Variants in PCDHGA8 observed in about 807,000 individuals in gnomAD.
PCDHGA8 encodes the protein protocadherin gamma-A8.
Under a neutral mutation model 59.2 loss-of-function variants are expected in PCDHGA8, and 45 were observed. The observed-to-expected ratio is 0.76, with a 90% CI of 0.60 to 0.98. The LOEUF (loss-of-function observed/expected upper bound fraction) is 0.98. Ranked by LOEUF, PCDHGA8 falls within the 50% of genes least tolerant of loss-of-function variation. PCDHGA8 has a pLI of 0.00. For missense variants in PCDHGA8, 1,257 were observed against 1,196.2 expected (o/e 1.05, Z -0.75); for synonymous variants, 531 against 519.0 (o/e 1.02, Z -0.32).
In PCDHGA8 at chr5:141,423,390, T is replaced by C. The variant is rs751337994; in HGVS notation, c.2424+28153T>C. ...TGGCACTCAGGCTGTGGCGCTGGCATAAGTCACGCCTGCTGCAGGCTTCTG... is the reference window on the plus strand; with the variant it reads ...TGGCACTCAGGCTGTGGCGCTGGCACAAGTCACGCCTGCTGCAGGCTTCTG... On this transcript the variant is annotated intron_variant, in intron 1 of 3. Coordinates refer to ENST00000398604, the MANE Select transcript of PCDHGA8 (RefSeq NM_032088.2). 2.5e-6 allele frequency: 4 copies of C among 1,614,144 alleles called. No homozygotes were observed. In the South Asian group the frequency reaches 3.3e-5, roughly 13 times the overall value.
intron 1 of PCDHGA8, chr5:141,418,947 G>T (rs534744990): frequency 6.2e-7 from 1 of 1,614,022 alleles, no homozygotes; most frequent in African/African-American, 1.3e-5. Context: ...TCCCCTCCAG[G>T]AGTGGTTGTT....
rs2099415271 is a variant in PCDHGA8, at chr5:141,477,659, G to A, written c.2425-17148G>A. 6.2e-7 allele frequency: 1 copy of A among 1,614,194 alleles called. No individual in the cohort carries two copies. The highest frequency in any genetic ancestry group is 1.3e-5 in the African/African-American group (1 of 75,046). ...GGGTCGCTATTTCACAATAAATCGT[G>A]ACAATGGCATAGTGTCATCCTTAGT... On this transcript the variant is annotated intron_variant, in intron 1 of 3. Transcript: ENST00000398604. The surrounding 1 kb of genome is among the most constrained non-coding windows in gnomAD (Gnocchi z 4.9).
At chr5:141,409,069 A>G (rs886525915) in intron 1 of PCDHGA8, 5 of 1,614,008 alleles carry the variant, frequency 3.1e-6, no homozygotes, top group Non-Finnish European at 4.2e-6. Context: ...AGAGCACAAA[A>G]CATATGTTCT....
chr5:141,404,085 A>G, intron 1 of PCDHGA8: 1 of 1,613,618 alleles, frequency 6.2e-7, no homozygotes, highest in South Asian at 1.1e-5. Context: ...GACTCCGGGA[A>G]GAATGGTCAA....
In PCDHGA8 at chr5:141,432,021, C is replaced by G. The variant is rs746940912; in HGVS notation, c.2424+36784C>G. 1.9e-5 allele frequency: 30 copies of G among 1,614,076 alleles called. No individual in the cohort carries two copies. The highest frequency in any genetic ancestry group is 2.7e-5 in the African/African-American group (2 of 74,922). Reference sequence around the variant, plus strand: ...GAACAGGTTCCTAGCTACAACATCACAGTGACCGCCACTGACCGGGGAACC... The same window carrying G: ...GAACAGGTTCCTAGCTACAACATCAGAGTGACCGCCACTGACCGGGGAACC... On this transcript the variant is annotated intron_variant, in intron 1 of 3. Transcript: ENST00000398604. The surrounding 1 kb of genome is among the most constrained non-coding windows in gnomAD (Gnocchi z 6.0).
rs766784928 is a variant in PCDHGA8, at chr5:141,431,447, G to T, written c.2424+36210G>T. ...GCGCACAGGCACCGCGCGCATCCGC[G>T]TGATGGTTCTGGATGCGAACGACAA... On this transcript the variant is annotated intron_variant, in intron 1 of 3. Coordinates refer to ENST00000398604, the MANE Select transcript of PCDHGA8 (RefSeq NM_032088.2). The surrounding 1 kb of genome is among the most constrained non-coding windows in gnomAD (Gnocchi z 4.8). 2 of 1,613,792 alleles carry T rather than the reference G, an allele frequency of 1.2e-6. No individual in the cohort carries two copies. The highest frequency in any genetic ancestry group is 1.7e-6 in the Non-Finnish European group (2 of 1,180,014).
chr5:141,490,584 T>G lies in PCDHGA8; in HGVS notation c.2425-4223T>G, dbSNP rs751060540. 1 of 1,614,170 alleles carries G rather than the reference T, an allele frequency of 6.2e-7. No individual in the cohort carries two copies. Among genetic ancestry groups the G allele is most frequent in the South Asian group, 1.1e-5 (1 of 91,080 alleles). ...TCAGGCTCAACATTTCAGATGTCAA[T>G]GACAATGCACCCCGCTTCAACCAGC... On this transcript the variant is annotated intron_variant, in intron 1 of 3. Transcript: ENST00000398604. This position sits in a 1 kb window ranked among gnomAD's most constrained non-coding sequence, Gnocchi z 5.4.
rs1317596371 is a variant in PCDHGA8, at chr5:141,394,304, G to T, written c.1491G>T (p.Gln497His). The T allele has an allele frequency of 1.2e-6, 2 of 1,613,932 alleles. No homozygotes were observed. The highest frequency in any genetic ancestry group is 1.7e-5 in the Admixed American group (1 of 60,024). Residue 497 changes from glutamine to histidine, a missense_variant, in exon 1 of 4, where the codon CAG becomes CAT. Coordinates refer to ENST00000398604, the MANE Select transcript of PCDHGA8 (RefSeq NM_032088.2). The stretch of plus-strand genomic sequence containing the variant: ...ACTCTGTGACCGAGGACACGCTGCA[G>T]GGGGCGCCCCTGTCCTCGTATATCT... ...VTYSVTEDTLQGAPLSSYISI... is the reference protein window; with the variant it reads ...VTYSVTEDTLHGAPLSSYISI...
intron 1 of PCDHGA8, chr5:141,423,846 C>G: frequency 1.6e-6 from 2 of 1,278,968 alleles, no homozygotes; most frequent in Non-Finnish European, 2.0e-6. Flanking sequence ...GATAATCTTT[C>G]AGAACGTTTT....
At chr5:141,439,266 G>A (rs1314903524) in intron 1 of PCDHGA8, among the ~76,000 whole-genome samples, 1 of 151,952 alleles carries the variant, frequency 6.6e-6, no homozygotes, top group Non-Finnish European at 1.5e-5. Context: ...TCAGCCAACA[G>A]TTCATTCTGA....
At position 141,512,881 on chromosome 5, in the gene PCDHGA8, C is replaced by T. The variant is rs1274589284; in HGVS notation, c.*1708C>T. 1.3e-5 allele frequency: 2 copies of T among 152,268 alleles called. No homozygotes were observed. Among genetic ancestry groups the T allele is most frequent in the African/African-American group, 4.8e-5 (2 of 41,458 alleles). 9.4% of individuals were successfully genotyped at this position (152,268 alleles called of 1,614,324 possible). On this transcript the variant is annotated 3_prime_UTR_variant, in exon 4 of 4. Coordinates refer to ENST00000398604, the MANE Select transcript of PCDHGA8 (RefSeq NM_032088.2). Reference sequence around the variant, plus strand: ...TCGCATAGTCACGTAGCTCCCACCCCACCCTCTTCCTGTGTCTCACGCAAG... The same window carrying T: ...TCGCATAGTCACGTAGCTCCCACCCTACCCTCTTCCTGTGTCTCACGCAAG...
chr5:141,467,602 A>G (rs981250164), intron 1 of PCDHGA8, among the ~76,000 whole-genome samples: 3 of 152,216 alleles, frequency 2.0e-5, no homozygotes, highest in Non-Finnish European at 4.4e-5. Flanking sequence ...TAAGCACTTC[A>G]TCTTTGTCCC....
chr5:141,504,379 G>A lies in PCDHGA8; in HGVS notation c.2484-1014G>A, dbSNP rs181617363. On this transcript the variant is annotated intron_variant, in intron 2 of 3. Transcript: ENST00000398604. ...GCTTCAGTAGGAAGCAGGTGGAGTC[G>A]CTGCCTCACAGAAGCCAGTGTGGTG... Among the ~76,000 whole-genome samples the A allele has an allele frequency of 2.4e-3, 361 of 152,206 alleles. 1 individual carries two copies. The highest frequency in any genetic ancestry group is 0.021 in the Admixed American group (315 of 15,286).
chr5:141,427,998 C>A, intron 1 of PCDHGA8: 1 of 1,600,956 alleles, frequency 6.2e-7, no homozygotes, highest in Non-Finnish European at 8.6e-7. Context: ...TGGCTCCGCA[C>A]TCTTCGATAT....
rs774992336 is a variant in PCDHGA8, at chr5:141,409,845, T to G, written c.2424+14608T>G. The G allele has an allele frequency of 7.4e-6, 12 of 1,611,748 alleles. No homozygotes were observed. In the African/African-American group the frequency reaches 1.6e-4, roughly 22 times the overall value. On this transcript the variant is annotated intron_variant, in intron 1 of 3. Coordinates refer to ENST00000398604, the MANE Select transcript of PCDHGA8 (RefSeq NM_032088.2). ...CCCACGCTCAGCGCCAACGTGAGCCTGCGCGTGTTGGTGGGAGACCGCAAT... is the reference window on the plus strand; with the variant it reads ...CCCACGCTCAGCGCCAACGTGAGCCGGCGCGTGTTGGTGGGAGACCGCAAT...
At position 141,450,006 on chromosome 5, in the gene PCDHGA8, C is replaced by CTAT. The variant is rs70988802; in HGVS notation, c.2425-44800_2425-44799insATT. ...CACATTGCATTTAGTTGCCATGTCT[C>CTAT]TTTTTTTTTTTTTTTTTTGAGACAG... On this transcript the variant is annotated intron_variant, in intron 1 of 3. Transcript: ENST00000398604. Among the ~76,000 whole-genome samples the CTAT allele has an allele frequency of 2.5e-4, 33 of 132,964 alleles. 6 individuals are homozygous for CTAT. Among genetic ancestry groups the CTAT allele is most frequent in the Non-Finnish European group, 2.9e-4 (18 of 62,916 alleles). The allele number at this position is 132,964 out of a possible 152,430, so 87.2% of individuals were successfully genotyped here. A position where few individuals can be genotyped will look rare whatever the true frequency, so the allele number is the denominator to read the frequency against.
At position 141,393,634 on chromosome 5, in the gene PCDHGA8, A is replaced by G. The variant is rs1589198700; in HGVS notation, c.821A>G (p.Asn274Ser). The G allele has an allele frequency of 1.9e-6, 3 of 1,613,848 alleles. No homozygotes were observed. Among genetic ancestry groups the G allele is most frequent in the African/African-American group, 2.7e-5 (2 of 74,960 alleles). Reference sequence around the variant, plus strand: ...GCCAGCGACCCGGATGAGGGAATCAACGGAAAAGTGGCATACAAATTCCGG... The same window carrying G: ...GCCAGCGACCCGGATGAGGGAATCAGCGGAAAAGTGGCATACAAATTCCGG... ...VTASDPDEGI[N>S]GKVAYKFRKI... The change falls in exon 1 of 4, where the codon AAC becomes AGC. Residue 274 changes from asparagine (N) to serine (S), a missense_variant. Asn to Ser is a conservative substitution (Grantham distance 46). Coordinates refer to ENST00000398604, the MANE Select transcript of PCDHGA8 (RefSeq NM_032088.2).
chr5:141,399,510 C>G, intron 1 of PCDHGA8: 1 of 1,614,040 alleles, frequency 6.2e-7, no homozygotes, highest in East Asian at 2.2e-5. Flanking sequence ...CCGAAAACAA[C>G]CCTCCTGGGG....
At chr5:141,403,306 A>C in intron 1 of PCDHGA8, 1 of 1,613,908 alleles carries the variant, frequency 6.2e-7, no homozygotes, top group Non-Finnish European at 8.5e-7. Context: ...AACTGTACGG[A>C]ATAGAAATAG....
Sources: allele counts gnomAD v4.1 joint callset (sites outside exome capture counted in the v4.1 genomes callset), GRCh38; gene constraint gnomAD v4.1.1; non-coding constraint Gnocchi (gnomAD v3.1); transcripts MANE v1.5; gene names NCBI Gene and HGNC (gene_info 2026-07-23, HGNC 2026-07-21).